The following NEMF variants were observed in gnomAD, a reference collection of about 807,000 sequenced individuals.
The protein encoded by NEMF is ribosome quality control complex subunit NEMF.
A neutral mutation model predicts 162.2 loss-of-function variants in NEMF; 89 were observed. The ratio of observed to expected loss-of-function variants is 0.55; its 90% CI spans 0.46 to 0.65. The LOEUF is 0.65. Among genes scored for constraint, NEMF ranks in the 30% least tolerant of loss-of-function variants. NEMF has a pLI of 0.00. For missense variants in NEMF, 1,133 were observed against 1,261.9 expected (o/e 0.90, Z 1.55); for synonymous variants, 421 against 404.5 (o/e 1.04, Z -0.49).
intron 25 of NEMF, 22 bp downstream of exon 25, chr14:49,799,453 T>TA: frequency 6.3e-7 from 1 of 1,575,068 alleles, no homozygotes; most frequent in African/African-American, 1.4e-5. Context: ...GCTTTTTAGT[T>TA]AATTAACACA....
At chr14:49,795,247 A>G (rs1464437293) in intron 26 of NEMF, among the ~76,000 whole-genome samples, 1 of 151,554 alleles carries the variant, frequency 6.6e-6, no homozygotes, top group Non-Finnish European at 1.5e-5. Flanking sequence ...CTGAGATGGG[A>G]GGATCACTTG....
chr14:49,830,402 T>C (rs1425694703), intron 11 of NEMF, among the ~76,000 whole-genome samples: 1 of 152,192 alleles, frequency 6.6e-6, no homozygotes, highest in Non-Finnish European at 1.5e-5. Context: ...AATTTGATTT[T>C]TTTTTCTTTA....
chr14:49,825,815 G>A (rs747328056), intron 16 of NEMF, 52 bp downstream of exon 16: 28 of 1,191,642 alleles, frequency 2.3e-5, no homozygotes, highest in Middle Eastern at 3.9e-4. Flanking sequence ...CAATGTGCAT[G>A]GATAATTTTA....
At chr14:49,796,781 C>A (rs1890712140) in intron 25 of NEMF, among the ~76,000 whole-genome samples, 2 of 152,202 alleles carry the variant, frequency 1.3e-5, no homozygotes, top group Admixed American at 1.3e-4. Flanking sequence ...CTTCTCCAAT[C>A]ATATTATCTA....
intron 16 of NEMF, among the ~76,000 whole-genome samples, chr14:49,824,569 G>GA (rs1892246689): frequency 6.8e-6 from 1 of 146,404 alleles, no homozygotes; most frequent in South Asian, 2.1e-4. Flanking sequence ...AAAGTCTGAG[G>GA]AAAATATATT....
intron 27 of NEMF, 54 bp downstream of exon 27, chr14:49,789,442 G>C: frequency 6.2e-7 from 1 of 1,610,248 alleles, no homozygotes; most frequent in Admixed American, 1.7e-5. Flanking sequence ...CTAGGCAGTG[G>C]GCTAGATGCC....
intron 5 of NEMF, 146 bp from the exon 6 acceptor site, chr14:49,838,352 A>G (rs1893010150): frequency 3.3e-6 from 2 of 604,536 alleles, no homozygotes; most frequent in Middle Eastern, 3.0e-4. Flanking sequence ...CTGTTGTGAG[A>G]AAATGGATCA....
Position 49,782,611 on chromosome 14 carries a change from T to G in NEMF, c.*2025A>C, listed in dbSNP as rs946541374. 1 of 1,578,040 alleles carries G rather than the reference T, an allele frequency of 6.3e-7. No homozygotes were observed. The highest frequency in any genetic ancestry group is 1.8e-5 in the Admixed American group (1 of 57,024). ...TCTTGTACGGTAAGTAACTTTGTAC[T>G]TGGCACTTAGATTATTTAAAATTGT... On this transcript the variant is annotated 3_prime_UTR_variant, in exon 33 of 33. Transcript: ENST00000298310.
chr14:49,798,578 T>A (rs776799853), intron 25 of NEMF, among the ~76,000 whole-genome samples: 3 of 152,228 alleles, frequency 2.0e-5, no homozygotes, highest in Non-Finnish European at 4.4e-5. Context: ...CATTACACAC[T>A]GTTTCCCTTA....
At chr14:49,811,918 T>C (rs1235865862) in intron 18 of NEMF, among the ~76,000 whole-genome samples, 4 of 152,222 alleles carry the variant, frequency 2.6e-5, no homozygotes, top group Admixed American at 2.6e-4. Context: ...TTTGGTTTTG[T>C]AATACTGGCC....
chr14:49,819,286 C>G (rs1335586485), intron 16 of NEMF, among the ~76,000 whole-genome samples: 1 of 151,850 alleles, frequency 6.6e-6, no homozygotes, highest in Non-Finnish European at 1.5e-5. Context: ...GTGCTCTTAC[C>G]AGACACACAA....
At chr14:49,811,562 G>C (rs537513767) in intron 18 of NEMF, among the ~76,000 whole-genome samples, 2 of 152,312 alleles carry the variant, frequency 1.3e-5, no homozygotes, top group East Asian at 3.9e-4. Flanking sequence ...CATTAAGTAT[G>C]ATTGTTAGCT....
chr14:49,840,183 C>T (rs1160261906), intron 5 of NEMF, among the ~76,000 whole-genome samples: 1 of 151,846 alleles, frequency 6.6e-6, no homozygotes, highest in Non-Finnish European at 1.5e-5. Flanking sequence ...TAAAGACAAC[C>T]GAGCACAGTG....
At chr14:49,788,216 T>A (rs564741061) in intron 28 of NEMF, among the ~76,000 whole-genome samples, 2 of 134,872 alleles carry the variant, frequency 1.5e-5, no homozygotes, top group Non-Finnish European at 1.5e-5. Context: ...GAGGTGGAGG[T>A]TGCAGTGAGC....
At chr14:49,793,384 A>T (rs1188947123) in intron 26 of NEMF, among the ~76,000 whole-genome samples, 1 of 152,206 alleles carries the variant, frequency 6.6e-6, no homozygotes, top group East Asian at 1.9e-4. Context: ...AGGAAATGAA[A>T]GTTTCAAAAA....
chr14:49,809,415 A>T (rs925570773), intron 18 of NEMF, among the ~76,000 whole-genome samples: 4 of 152,224 alleles, frequency 2.6e-5, no homozygotes, highest in Non-Finnish European at 5.9e-5. Flanking sequence ...GCCAGCCTTT[A>T]AAGATCAGTG....
rs1476260283 is a variant in NEMF, at chr14:49,840,770, G to A, written c.454C>T (p.Arg152Cys). 1.5e-5 allele frequency: 24 copies of A among 1,613,800 alleles called. No homozygotes were observed. Among genetic ancestry groups the A allele is most frequent in the African/African-American group, 4.0e-5 (3 of 74,860 alleles). The stretch of plus-strand genomic sequence containing the variant: ...GCTCTAGCATGATCAAGTGGATAGC[G>A]TTCACGAACAGCAAATTTAACATCA... ...ADDVKFAVRE[R>C]YPLDHARAAE... is the part of the protein sequence containing the mutation. Residue 152 changes from arginine (R) to cysteine (C), a missense_variant, in exon 5 of 33, where the codon CGC becomes TGC. Coordinates refer to ENST00000298310, the MANE Select transcript of NEMF (RefSeq NM_004713.6).
chr14:49,834,818 T>A (rs1289551896), intron 6 of NEMF, among the ~76,000 whole-genome samples: 2 of 152,222 alleles, frequency 1.3e-5, no homozygotes, highest in Non-Finnish European at 2.9e-5. Flanking sequence ...CACAAATTTA[T>A]TTCCCAATAT....
In NEMF at chr14:49,814,799, C is replaced by T. The variant is rs1473602253; in HGVS notation, c.1636G>A (p.Asp546Asn). ...SENYLIIGGR[D>N]QQQNEIIVKR... ...ACAATTATTTCATTCTGTTGCTGAT[C>T]TCGTCCACCTATAATTAGATAGTTC... The change falls in exon 17 of 33, where the codon GAT becomes AAT. Residue 546 changes from aspartate (D) to asparagine (N), a missense_variant. Coordinates refer to ENST00000298310, the MANE Select transcript of NEMF (RefSeq NM_004713.6). The T allele has an allele frequency of 4.4e-6, 7 of 1,595,188 alleles. No homozygotes were observed. Among genetic ancestry groups the T allele is most frequent in the Non-Finnish European group, 6.0e-6 (7 of 1,173,590 alleles).
Sources: allele counts gnomAD v4.1 joint callset (sites outside exome capture counted in the v4.1 genomes callset), GRCh38; gene constraint gnomAD v4.1.1; transcripts MANE v1.5; gene names NCBI Gene and HGNC (gene_info 2026-07-23, HGNC 2026-07-21).